The following SAMD12 variants were observed in gnomAD, a reference collection of about 807,000 sequenced individuals.
SAMD12 encodes sterile alpha motif domain containing 12.
A neutral mutation model predicts 15.0 loss-of-function variants in SAMD12; 9 were observed. That is an observed-to-expected ratio of 0.60 (90% CI 0.36 to 1.05). The LOEUF (loss-of-function observed/expected upper bound fraction) is 1.05, where lower values mean the gene tolerates loss of function less well. Ranked by LOEUF, SAMD12 falls within the 50% of genes least tolerant of loss-of-function variation. The pLI, the probability that SAMD12 is intolerant of heterozygous loss-of-function variation, is 0.01. For synonymous variants in SAMD12, 86 were observed against 90.1 expected (o/e 0.96, Z 0.25); for missense variants, 230 against 234.2 (o/e 0.98, Z 0.12).
chr8:118,273,359 C>T (rs1185811714), intron 4 of SAMD12, among the ~76,000 whole-genome samples: 4 of 152,162 alleles, frequency 2.6e-5, no homozygotes, highest in African/African-American at 9.7e-5. Context: ...CTTTCTATGG[C>T]ACATGGAGAT....
At chr8:118,489,938 C>T (rs557744578) in intron 2 of SAMD12, among the ~76,000 whole-genome samples, 2 of 152,116 alleles carry the variant, frequency 1.3e-5, no homozygotes, top group Non-Finnish European at 2.9e-5. Context: ...GGAAAGGAAG[C>T]AGCTCTGCTC....
intron 2 of SAMD12, among the ~76,000 whole-genome samples, chr8:118,448,034 A>G (rs1822971470): frequency 6.6e-6 from 1 of 152,046 alleles, no homozygotes; most frequent in South Asian, 2.1e-4. Context: ...AGCCTCTTTG[A>G]TGTCATCTTT....
chr8:118,604,915 C>T (rs1827949706), intron 1 of SAMD12, among the ~76,000 whole-genome samples: 1 of 151,274 alleles, frequency 6.6e-6, no homozygotes, highest in Non-Finnish European at 1.5e-5. Context: ...GAGAGAGACT[C>T]CGTCTCAAAA....
At chr8:118,381,736 T>C (rs1294363826) in intron 3 of SAMD12, among the ~76,000 whole-genome samples, 1 of 152,198 alleles carries the variant, frequency 6.6e-6, no homozygotes, top group East Asian at 1.9e-4. Flanking sequence ...AGAAGCTGAA[T>C]TTAGCCCTGT....
chr8:118,502,637 A>C (rs1016622943), intron 2 of SAMD12, among the ~76,000 whole-genome samples: 1 of 152,244 alleles, frequency 6.6e-6, no homozygotes, highest in Non-Finnish European at 1.5e-5. Context: ...TCAATGAATA[A>C]AAATGTAAAA....
At chr8:118,488,050 T>C (rs1563890194) in intron 2 of SAMD12, among the ~76,000 whole-genome samples, 1 of 152,014 alleles carries the variant, frequency 6.6e-6, no homozygotes, top group Non-Finnish European at 1.5e-5. Context: ...TGAAAGCAGG[T>C]CTCTGGATTC....
chr8:118,527,986 C>T (rs1490605995), intron 2 of SAMD12, among the ~76,000 whole-genome samples: 1 of 151,880 alleles, frequency 6.6e-6, no homozygotes, highest in Non-Finnish European at 1.5e-5. Context: ...TATTTTTAAT[C>T]ACGTGATTTT....
intron 1 of SAMD12, among the ~76,000 whole-genome samples, chr8:118,591,122 C>T (rs1056009689): frequency 5.9e-5 from 9 of 152,082 alleles, no homozygotes; most frequent in Non-Finnish European, 1.2e-4. Context: ...ATACAAGCAT[C>T]AAAACTCATC....
At chr8:118,561,067 T>C (rs1826686110) in intron 2 of SAMD12, among the ~76,000 whole-genome samples, 1 of 152,228 alleles carries the variant, frequency 6.6e-6, no homozygotes, top group Non-Finnish European at 1.5e-5. Context: ...CTAATTTTAA[T>C]GTTTCAAATT....
intron 2 of SAMD12, among the ~76,000 whole-genome samples, chr8:118,490,427 GA>G (rs1256898101): frequency 2.0e-5 from 3 of 152,068 alleles, no homozygotes; most frequent in Non-Finnish European, 4.4e-5. Flanking sequence ...TAAGGACAAA[GA>G]AAAGAGAATG....
intron 2 of SAMD12, among the ~76,000 whole-genome samples, chr8:118,477,971 C>A (rs2515007): frequency 2.5e-4 from 37 of 147,634 alleles, no homozygotes; most frequent in African/African-American, 9.0e-4. Context: ...CAGAGATCTC[C>A]CCACTGCACT....
intron 2 of SAMD12, among the ~76,000 whole-genome samples, chr8:118,529,888 A>G (rs1825638032): frequency 6.6e-6 from 1 of 152,220 alleles, no homozygotes; most frequent in Non-Finnish European, 1.5e-5. Flanking sequence ...CTTTGGGTAG[A>G]TACCTAGCAG....
chr8:118,497,782 C>G (rs1554674841), intron 2 of SAMD12, among the ~76,000 whole-genome samples: 1 of 148,246 alleles, frequency 6.7e-6, no homozygotes, highest in Non-Finnish European at 1.5e-5. Context: ...CATTTATTTA[C>G]TTTTTTTAAA....
chr8:118,229,965 A>G (rs919987512), intron 4 of SAMD12, among the ~76,000 whole-genome samples: 2 of 152,084 alleles, frequency 1.3e-5, no homozygotes, highest in Non-Finnish European at 2.9e-5. Context: ...TGATCTGTCT[A>G]TGAGAGAAGA....
intron 2 of SAMD12, among the ~76,000 whole-genome samples, chr8:118,574,044 G>A (rs2131242488): frequency 6.6e-6 from 1 of 152,308 alleles, no homozygotes; most frequent in East Asian, 1.9e-4. Context: ...AATGTGACTA[G>A]GGATTCATTT....
intron 4 of SAMD12, among the ~76,000 whole-genome samples, chr8:118,223,161 C>A (rs934280733): frequency 7.2e-5 from 11 of 152,180 alleles, no homozygotes; most frequent in African/African-American, 2.4e-4. Flanking sequence ...ACAACTTATG[C>A]TCAAATAAAT....
chr8:118,305,422 T>C (rs1469402874), intron 4 of SAMD12, among the ~76,000 whole-genome samples: 1 of 152,226 alleles, frequency 6.6e-6, no homozygotes, highest in Non-Finnish European at 1.5e-5. Flanking sequence ...TCACATAGCA[T>C]GTTTTCAAGA....
chr8:118,147,151 A>C, the SAMD12 span, among the ~76,000 whole-genome samples: 2 of 151,688 alleles, frequency 1.3e-5, no homozygotes, highest in Non-Finnish European at 2.9e-5. Flanking sequence ...CAGCCTCCTG[A>C]GTAGCTGGGA....
In SAMD12 at chr8:118,554,693, TA is replaced by T. The variant is rs752618784; in HGVS notation, c.192+26021del. The stretch of plus-strand genomic sequence containing the variant: ...AAGTATAATAATAATAAAAAAGAAC[TA>T]AAAAAAAAAAATCTACAACCAATTG... On this transcript the variant is annotated intron_variant, in intron 2 of 3. Transcript: ENST00000314727. 9.6e-3 allele frequency among the ~76,000 whole-genome samples: 1,383 copies of T among 143,546 alleles called. 7 individuals are homozygous for T. The highest frequency in any genetic ancestry group is 0.017 in the Admixed American group (243 of 14,424). 94.2% of individuals were successfully genotyped at this position (143,546 alleles called of 152,430 possible).
Sources: gnomAD v4.1 joint callset for allele counts (sites outside exome capture counted in the v4.1 genomes callset) on GRCh38, gnomAD v4.1.1 for gene constraint, MANE v1.5 for transcripts, NCBI Gene and HGNC (gene_info 2026-07-23, HGNC 2026-07-21) for gene names.